Variants in PKDREJ observed in about 807,000 individuals in gnomAD.
PKDREJ encodes PKD and REJ homolog.
For missense variants in PKDREJ, 2,507 were observed against 2,807.2 expected, an observed-to-expected ratio of 0.89 and a Z score of 2.42; for synonymous variants, 1,031 against 1,095.5, an observed-to-expected ratio of 0.94 and a Z score of 1.16.
Position 46,258,756 on chromosome 22 carries a change from G to T in PKDREJ, c.4567C>A (p.His1523Asn), listed in dbSNP as rs1325445039. 6.2e-7 allele frequency: 1 copy of T among 1,614,044 alleles called. No individual in the cohort carries two copies. Among genetic ancestry groups the T allele is most frequent in the East Asian group, 2.2e-5 (1 of 44,888 alleles). The change falls in exon 1 of 1, where the codon CAT becomes AAT. Residue 1523 changes from histidine (H) to asparagine (N), a missense_variant. His to Asn is a moderately conservative substitution (Grantham distance 68, BLOSUM62 1). Transcript: ENST00000253255. This position sits in a 1 kb window ranked among gnomAD's most constrained non-coding sequence, Gnocchi z 6.1. ...GGGGTCTTGATTTGTGCTTTCCTAT[G>T]CCTGTGCTTGGGTTTGGAGGTTGCC... ...PKATSKPKHR[H>N]RKAQIKTPET...
rs1433870528 is a variant in PKDREJ at position 46,260,198 on chromosome 22, G to T, written c.3125C>A (p.Ala1042Asp). 1 of 1,614,154 alleles carries T rather than the reference G, an allele frequency of 6.2e-7. No individual in the cohort carries two copies. Residue 1042 changes from alanine to aspartate, a missense_variant, in exon 1 of 1, where the codon GCC (alanine) becomes GAC (aspartate). Physicochemically the swap from Ala to Asp is moderately radical, Grantham distance 126 (BLOSUM62 -2). Coordinates refer to ENST00000253255, the MANE Select transcript of PKDREJ (RefSeq NM_006071.2). This position sits in a 1 kb window ranked among gnomAD's most constrained non-coding sequence, Gnocchi z 4.5. ...CACTGTGCAGGCTGGGTCAAACAGG[G>T]CACTCTGGCTGGCAAATGGAGGGAT... ...HDIPPFASQS[A>D]LFDPACTVKK...
Position 46,259,667 on chromosome 22 carries a change from A to G in PKDREJ, c.3656T>C (p.Ile1219Thr). ...EMDQHLRGHV[I>T]VLPDNDPYDN... ...ATAAGGATCATTATCTGGTAGAACT[A>G]TCACATGCCCCCGAAGATGCTGGTC... The change falls in exon 1 of 1, where the codon ATA becomes ACA. Residue 1219 changes from isoleucine to threonine, a missense_variant. Physicochemically the swap from Ile to Thr is moderately conservative, Grantham distance 89. Coordinates refer to ENST00000253255, the MANE Select transcript of PKDREJ (RefSeq NM_006071.2). This position sits in a 1 kb window ranked among gnomAD's most constrained non-coding sequence, Gnocchi z 6.8. 1.2e-6 allele frequency: 2 copies of G among 1,614,216 alleles called. No homozygotes were observed. Among genetic ancestry groups the G allele is most frequent in the East Asian group, 2.2e-5 (1 of 44,890 alleles).
chr22:46,263,006 G>T lies in PKDREJ; in HGVS notation c.317C>A (p.Ala106Asp). The change falls in exon 1 of 1, where the codon GCC (alanine) becomes GAC (aspartate). Residue 106 changes from alanine to aspartate, a missense_variant. Physicochemically the swap from Ala to Asp is moderately radical, Grantham distance 126. Transcript: ENST00000253255. The surrounding 1 kb of genome is among the most constrained non-coding windows in gnomAD (Gnocchi z 9.4). The stretch of plus-strand genomic sequence containing the variant: ...GTCGACGAGCGCGAGCGCGGGCGCG[G>T]CCGGCCAGGGCAGGCGTTGGGCGCT... ...LLSAQRLPWPAAPALALVDLQ... is the reference protein window; with the variant it reads ...LLSAQRLPWPDAPALALVDLQ... The T allele has an allele frequency of 8.0e-7, 1 of 1,257,528 alleles. No homozygotes were observed. Among genetic ancestry groups the T allele is most frequent in the Non-Finnish European group, 1.0e-6 (1 of 994,126 alleles). The allele number at this position is 1,257,528 out of a possible 1,614,324, so 77.9% of individuals were successfully genotyped here. A position where few individuals can be genotyped will look rare whatever the true frequency, so the allele number is the denominator to read the frequency against.
rs760443943 is a variant in PKDREJ at position 46,256,545 on chromosome 22, A to T, written c.*16T>A. 1 of 1,601,262 alleles carries T rather than the reference A, an allele frequency of 6.2e-7. No homozygotes were observed. Among genetic ancestry groups the T allele is most frequent in the Non-Finnish European group, 8.5e-7 (1 of 1,174,738 alleles). On this transcript the variant is annotated 3_prime_UTR_variant, in exon 1 of 1. Transcript: ENST00000253255. This position sits in a 1 kb window ranked among gnomAD's most constrained non-coding sequence, Gnocchi z 5.3. ...TTGGGGGAACGCTTGCTTGTGACTC[A>T]TGAAACCATCATTCATCAAACAACA...
Position 46,263,270 on chromosome 22 carries a change from A to G in PKDREJ, c.53T>C (p.Val18Ala), listed in dbSNP as rs2147777712. 2 of 1,462,262 alleles carry G rather than the reference A, an allele frequency of 1.4e-6. No individual in the cohort carries two copies. Among genetic ancestry groups the G allele is most frequent in the Non-Finnish European group, 1.8e-6 (2 of 1,114,522 alleles). The allele number at this position is 1,462,262 out of a possible 1,614,324, so 90.6% of individuals were successfully genotyped here. A position where few individuals can be genotyped will look rare whatever the true frequency, so the allele number is the denominator to read the frequency against. Residue 18 changes from valine to alanine, a missense_variant, in exon 1 of 1, where the codon GTC becomes GCC. Val to Ala is a moderately conservative substitution (Grantham distance 64). Coordinates refer to ENST00000253255, the MANE Select transcript of PKDREJ (RefSeq NM_006071.2). The surrounding 1 kb of genome is among the most constrained non-coding windows in gnomAD (Gnocchi z 9.4). ...LLLGVGLSLS[V>A]GRLPLPPVPR... is the part of the protein sequence containing the mutation. ...AACCGGCGGCAGCGGGAGGCGGCCG[A>G]CGCTCAGGCTCAGGCCCACGCCCAG...
rs757553829 is a variant in PKDREJ, at chr22:46,261,212, A to T, written c.2111T>A (p.Leu704Ter). Residue 704 changes from leucine to a stop codon, truncating the protein, a stop_gained, in exon 1 of 1, where the codon TTA (leucine) becomes TAA (stop). Transcript: ENST00000253255. LOFTEE classifies it low-confidence loss of function (END_TRUNC). The surrounding 1 kb of genome is among the most constrained non-coding windows in gnomAD (Gnocchi z 7.1). ...TATATACAGTAAGTAACCTGCAGGT[A>T]AAAAATCCTTCTTTTGAATCAAAGT... The part of the protein sequence containing the change: ...LSTLIQKKDF[L>*]PAGYLLYIVA... 4.6e-5 allele frequency: 74 copies of T among 1,613,912 alleles called. 1 individual carries two copies. In the Admixed American group the frequency reaches 1.2e-3, roughly 26 times the overall value.
chr22:46,260,419 C>G lies in PKDREJ; in HGVS notation c.2904G>C (p.Val968=), dbSNP rs933111336. Residue 968 remains valine, a synonymous_variant, in exon 1 of 1, where the codon GTG becomes GTC. Transcript: ENST00000253255. This position sits in a 1 kb window ranked among gnomAD's most constrained non-coding sequence, Gnocchi z 4.5. The part of the protein sequence containing the change: ...NLTFAAFNLT[V]GPNSEVDGSL... ...ACCCATCAACCTCGCTGTTGGGTCC[C>G]ACTGTGAGATTAAAAGCTGCAAAGG... 1.9e-6 allele frequency: 3 copies of G among 1,614,172 alleles called. No homozygotes were observed. Among genetic ancestry groups the G allele is most frequent in the Admixed American group, 3.3e-5 (2 of 60,022 alleles).
chr22:46,257,735 G>A lies in PKDREJ; in HGVS notation c.5588C>T (p.Thr1863Met), dbSNP rs112417494. 5.8e-5 allele frequency: 93 copies of A among 1,614,086 alleles called. No individual in the cohort carries two copies. The highest frequency in any genetic ancestry group is 4.8e-4 in the African/African-American group (36 of 75,036). ...TNGFTYKPQG[T>M]QWLYYSYGLL... The stretch of plus-strand genomic sequence containing the variant: ...TCCATAGGAATAATATAGCCATTGC[G>A]TTCCTTGAGGCTTATAAGTAAATCC... The change falls in exon 1 of 1, where the codon ACG (threonine) becomes ATG (methionine). Residue 1863 changes from threonine to methionine, a missense_variant. Physicochemically the swap from Thr to Met is moderately conservative, Grantham distance 81 (BLOSUM62 -1). Transcript: ENST00000253255. The surrounding 1 kb of genome is among the most constrained non-coding windows in gnomAD (Gnocchi z 4.7).
rs1936679356 is a variant in PKDREJ, at chr22:46,260,118, G to A, written c.3205C>T (p.His1069Tyr). Reference sequence around the variant, plus strand: ...ACAGTACAGTGGGGAGAGTGGCTGTGCTGAGCTATGAGTTGCAGCAGGGAC... The same window carrying A: ...ACAGTACAGTGGGGAGAGTGGCTGTACTGAGCTATGAGTTGCAGCAGGGAC... The part of the protein sequence containing the change: ...PVSLLQLIAQ[H>Y]SHSPHCTVSI... Residue 1069 changes from histidine to tyrosine, a missense_variant, in exon 1 of 1, where the codon CAC (histidine) becomes TAC (tyrosine). Transcript: ENST00000253255. The surrounding 1 kb of genome is among the most constrained non-coding windows in gnomAD (Gnocchi z 4.5). 2 of 1,613,696 alleles carry A rather than the reference G, an allele frequency of 1.2e-6. No homozygotes were observed. Among genetic ancestry groups the A allele is most frequent in the African/African-American group, 2.7e-5 (2 of 75,032 alleles).
rs777615498 is a variant in PKDREJ at position 46,256,519 on chromosome 22, G to C, written c.*42C>G. The C allele has an allele frequency of 6.4e-7, 1 of 1,573,988 alleles. No homozygotes were observed. ...TCCCCTTAATCCCACAGACTCAGCAGTTGGGGGAACGCTTGCTTGTGACTC... is the reference window on the plus strand; with the variant it reads ...TCCCCTTAATCCCACAGACTCAGCACTTGGGGGAACGCTTGCTTGTGACTC... On this transcript the variant is annotated 3_prime_UTR_variant, in exon 1 of 1. Transcript: ENST00000253255. The surrounding 1 kb of genome is among the most constrained non-coding windows in gnomAD (Gnocchi z 5.3).
rs1433253284 is a variant in PKDREJ at position 46,258,996 on chromosome 22, A to G, written c.4327T>C (p.Leu1443=). The change falls in exon 1 of 1, where the codon TTA becomes CTA. Residue 1443 remains leucine (L), a synonymous_variant. Transcript: ENST00000253255. The surrounding 1 kb of genome is among the most constrained non-coding windows in gnomAD (Gnocchi z 6.1). ...SVLITIPVQL[L]ITFLFTCSQR... is the part of the protein sequence containing the mutation. ...GAACAGGTGAACAAAAAAGTTATTA[A>G]TAATTGCACAGGGATTGTAATTAAG... 1.9e-6 allele frequency: 3 copies of G among 1,614,144 alleles called. No homozygotes were observed. The South Asian group carries it at 3.3e-5, about 18-fold the overall frequency.
chr22:46,260,876 T>G lies in PKDREJ; in HGVS notation c.2447A>C (p.Asn816Thr). ...GTGAGGAGAAGTCATTTTAAGAATA[T>G]TAGACAAACTCATTAGTATTCCAGT... ...VSTGILMSLSNILKMTSPHQV... is the reference protein window; with the variant it reads ...VSTGILMSLSTILKMTSPHQV... The change falls in exon 1 of 1, where the codon AAT (asparagine) becomes ACT (threonine). Residue 816 changes from asparagine (N) to threonine (T), a missense_variant. By Grantham distance (65) the Asn-to-Thr change is moderately conservative (BLOSUM62 0). Coordinates refer to ENST00000253255, the MANE Select transcript of PKDREJ (RefSeq NM_006071.2). The surrounding 1 kb of genome is among the most constrained non-coding windows in gnomAD (Gnocchi z 4.5). The G allele has an allele frequency of 6.2e-7, 1 of 1,613,708 alleles. No homozygotes were observed. Among genetic ancestry groups the G allele is most frequent in the Non-Finnish European group, 8.5e-7 (1 of 1,179,560 alleles).
chr22:46,257,680 A>G lies in PKDREJ; in HGVS notation c.5643T>C (p.Tyr1881=), dbSNP rs1317021370. 1.2e-6 allele frequency: 2 copies of G among 1,614,098 alleles called. No individual in the cohort carries two copies. Among genetic ancestry groups the G allele is most frequent in the African/African-American group, 2.7e-5 (2 of 74,940 alleles). Residue 1881 remains tyrosine (Y), a synonymous_variant, in exon 1 of 1, where the codon TAT becomes TAC. Coordinates refer to ENST00000253255, the MANE Select transcript of PKDREJ (RefSeq NM_006071.2). The surrounding 1 kb of genome is among the most constrained non-coding windows in gnomAD (Gnocchi z 4.7). The stretch of plus-strand genomic sequence containing the variant: ...GCTGTTCTGGAAAAAAATAGAGTGC[A>G]TATCCTCCAGATCCATAGGTGTGTA... The part of the protein sequence containing the change: ...GLLHTYGSGG[Y]ALYFFPEQQR...
In PKDREJ at chr22:46,261,227, T is replaced by C. The variant is rs1936693025; in HGVS notation, c.2096A>G (p.Gln699Arg). 2 of 1,613,914 alleles carry C rather than the reference T, an allele frequency of 1.2e-6. No homozygotes were observed. The highest frequency in any genetic ancestry group is 1.7e-6 in the Non-Finnish European group (2 of 1,179,992). Residue 699 changes from glutamine (Q) to arginine (R), a missense_variant, in exon 1 of 1, where the codon CAA (glutamine) becomes CGA (arginine). Gln to Arg is a conservative substitution (Grantham distance 43). Transcript: ENST00000253255. The surrounding 1 kb of genome is among the most constrained non-coding windows in gnomAD (Gnocchi z 7.1). ...GPSSLLSTLIQKKDFLPAGYL... is the reference protein window; with the variant it reads ...GPSSLLSTLIRKKDFLPAGYL... ...ACCTGCAGGTAAAAAATCCTTCTTT[T>C]GAATCAAAGTAGACAGCAATGAACT...
chr22:46,259,416 CGTT>C lies in PKDREJ; in HGVS notation c.3904_3906del (p.Asn1302del). 2 of 1,614,212 alleles carry C rather than the reference CGTT, an allele frequency of 1.2e-6. No homozygotes were observed. Among genetic ancestry groups the C allele is most frequent in the African/African-American group, 1.3e-5 (1 of 75,050 alleles). On this transcript the variant is annotated inframe_deletion, in exon 1 of 1. Transcript: ENST00000253255. The surrounding 1 kb of genome is among the most constrained non-coding windows in gnomAD (Gnocchi z 6.8). Reference sequence around the variant, plus strand: ...AAATACCAGCTAGGCGATCGACCCTCGTTGTTGTGCCACACACGGATGGAATGG... The same window carrying C: ...AAATACCAGCTAGGCGATCGACCCTCGTTGTGCCACACACGGATGGAATGG...
rs1309064001 is a variant in PKDREJ, at chr22:46,256,807, C to G, written c.6516G>C (p.Leu2172=). ...VLINLFQAVI[L]SAYEEMKQPV... is the part of the protein sequence containing the mutation. The stretch of plus-strand genomic sequence containing the variant: ...GCTGCTTCATTTCCTCATATGCAGA[C>G]AGAATTACAGCCTGAAATAAGTTGA... Residue 2172 remains leucine, a synonymous_variant, in exon 1 of 1, where the codon CTG becomes CTC. Coordinates refer to ENST00000253255, the MANE Select transcript of PKDREJ (RefSeq NM_006071.2). The surrounding 1 kb of genome is among the most constrained non-coding windows in gnomAD (Gnocchi z 5.3). 1.9e-6 allele frequency: 3 copies of G among 1,614,002 alleles called. No homozygotes were observed. Among genetic ancestry groups the G allele is most frequent in the East Asian group, 2.2e-5 (1 of 44,894 alleles).
rs548708486 is a variant in PKDREJ, at chr22:46,257,084, C to T, written c.6239G>A (p.Arg2080Lys). ...GCCAGGGAGGGCAGCCTGGATGGCC[C>T]TCTGAGCCAGGCGCACATCGTAGAA... ...RFFYDVRLAQ[R>K]AIQAALPGIC... is the part of the protein sequence containing the mutation. The change falls in exon 1 of 1, where the codon AGG becomes AAG. Residue 2080 changes from arginine to lysine, a missense_variant. Transcript: ENST00000253255. This position sits in a 1 kb window ranked among gnomAD's most constrained non-coding sequence, Gnocchi z 4.7. 1 of 1,613,942 alleles carries T rather than the reference C, an allele frequency of 6.2e-7. No individual in the cohort carries two copies. Among genetic ancestry groups the T allele is most frequent in the Admixed American group, 1.7e-5 (1 of 60,026 alleles).
Position 46,257,632 on chromosome 22 carries a change from C to A in PKDREJ, c.5691G>T (p.Arg1897Ser), listed in dbSNP as rs1225811670. 4.3e-6 allele frequency: 7 copies of A among 1,613,968 alleles called. No individual in the cohort carries two copies. Among genetic ancestry groups the A allele is most frequent in the Non-Finnish European group, 5.9e-6 (7 of 1,180,000 alleles). ...AATTGCTTTCTTGAAGTTCTTTGAG[C>A]CTCAGTGTGGAATTAAACCGCTGCT... is the stretch of plus-strand genomic sequence containing the variant. ...PEQQRFNSTL[R>S]LKELQESNWL... The change falls in exon 1 of 1, where the codon AGG becomes AGT. Residue 1897 changes from arginine (R) to serine (S), a missense_variant. By Grantham distance (110) the Arg-to-Ser change is moderately radical (BLOSUM62 -1). Coordinates refer to ENST00000253255, the MANE Select transcript of PKDREJ (RefSeq NM_006071.2). This position sits in a 1 kb window ranked among gnomAD's most constrained non-coding sequence, Gnocchi z 4.7.
chr22:46,261,634 G>T lies in PKDREJ; in HGVS notation c.1689C>A (p.Ile563=). The T allele has an allele frequency of 6.2e-7, 1 of 1,613,832 alleles. No individual in the cohort carries two copies. Among genetic ancestry groups the T allele is most frequent in the Non-Finnish European group, 8.5e-7 (1 of 1,179,828 alleles). The part of the protein sequence containing the change: ...HSFIINHGPQ[I]GECKINPAKG... ...TAGCTGGATTAATTTTGCATTCTCC[G>T]ATCTGAGGGCCATGGTTAATAATAA... is the stretch of plus-strand genomic sequence containing the variant. Residue 563 remains isoleucine (I), a synonymous_variant, in exon 1 of 1, where the codon ATC becomes ATA. Transcript: ENST00000253255. This position sits in a 1 kb window ranked among gnomAD's most constrained non-coding sequence, Gnocchi z 7.1.
Sources: allele counts gnomAD v4.1 joint callset, GRCh38; gene constraint gnomAD v4.1.1; non-coding constraint Gnocchi (gnomAD v3.1); transcripts MANE v1.5; gene names NCBI Gene and HGNC (gene_info 2026-07-23, HGNC 2026-07-21).